The following EDA variants were observed in gnomAD, a reference collection of about 807,000 sequenced individuals.
EDA encodes the protein ectodysplasin-A.
Under a neutral mutation model 23.6 loss-of-function variants are expected in EDA, and 2 were observed. The ratio of observed to expected loss-of-function variants is 0.08; its 90% CI spans 0.03 to 0.27. EDA has a LOEUF of 0.27. EDA is among the 10% of genes least tolerant of loss of function. The pLI is 1.00. For synonymous variants in EDA, 131 were observed against 132.0 expected (o/e 0.99, Z 0.05); for missense variants, 229 against 324.2 (o/e 0.71, Z 2.26).
intron 2 of EDA, chrX:70,022,976 A>T (rs748205448): frequency 2.6e-5 from 7 of 272,722 alleles, no homozygotes; most frequent in Admixed American, 1.2e-4. Flanking sequence ...CACCCCAAAG[A>T]CTGAAGTAGA....
rs189574388 is a variant in EDA at position 69,937,614 on chromosome X, T to C, written c.397-19413T>C. The C allele has an allele frequency of 1.9e-5, 21 of 1,126,560 alleles. 1 individual carries two copies. In the East Asian group the frequency reaches 6.3e-4, roughly 34 times the overall value. 92.8% of individuals were successfully genotyped at this position (1,126,560 alleles called of 1,213,427 possible). Reference sequence around the variant, plus strand: ...TGAAGTCATAAGAAGTTCTGCAAAGTACTGGGTCTCAATTCCTTCCTCATC... The same window carrying C: ...TGAAGTCATAAGAAGTTCTGCAAAGCACTGGGTCTCAATTCCTTCCTCATC... On this transcript the variant is annotated intron_variant, in intron 1 of 7. Transcript: ENST00000374552.
chrX:69,654,021 G>A (rs1449389440), intron 1 of EDA, among the ~76,000 whole-genome samples: 1 of 111,159 alleles, frequency 9.0e-6, no homozygotes, highest in Non-Finnish European at 1.9e-5. Context: ...GCAACCTACA[G>A]AATGGGAGAA....
chrX:69,820,268 T>C (rs1289469864), intron 1 of EDA, among the ~76,000 whole-genome samples: 1 of 112,085 alleles, frequency 8.9e-6, no homozygotes, highest in African/African-American at 3.2e-5. Flanking sequence ...GACTTAAATG[T>C]GAAACCCAAA....
intron 1 of EDA, among the ~76,000 whole-genome samples, chrX:69,647,393 T>C (rs1932956362): frequency 9.0e-6 from 1 of 111,549 alleles, no homozygotes; most frequent in Non-Finnish European, 1.9e-5. Context: ...ATTCCTTTCA[T>C]TTTTTTTCTC....
At chrX:69,648,746 A>G (rs764489731) in intron 1 of EDA, among the ~76,000 whole-genome samples, 3 of 111,644 alleles carry the variant, frequency 2.7e-5, no homozygotes, top group Non-Finnish European at 1.9e-5. Context: ...CCCCCTTCCT[A>G]GGGACATGTA....
chrX:69,664,666 TTGTGTGTG>T (rs35371760), intron 1 of EDA, among the ~76,000 whole-genome samples: 1 of 104,054 alleles, frequency 9.6e-6, no homozygotes, highest in African/African-American at 3.5e-5. Context: ...TAATATTTCA[TTGTGTGTG>T]TGTGTGTGTG....
chrX:69,847,517 A>G (rs1346266786), intron 1 of EDA, among the ~76,000 whole-genome samples: 1 of 111,395 alleles, frequency 9.0e-6, no homozygotes, highest in Non-Finnish European at 1.9e-5. Context: ...TTGTCTTTTC[A>G]AGAATATTAT....
At chrX:69,956,707 G>A (rs2019013378) in intron 1 of EDA, among the ~76,000 whole-genome samples, 1 of 111,902 alleles carries the variant, frequency 8.9e-6, no homozygotes, top group Non-Finnish European at 1.9e-5. Context: ...TCCTCAGTAT[G>A]TGTGGGAAGT....
chrX:69,978,502 CAA>C (rs1223244079), intron 2 of EDA, among the ~76,000 whole-genome samples: 8 of 46,954 alleles, frequency 1.7e-4, no homozygotes, highest in Non-Finnish European at 2.7e-4. Flanking sequence ...GAATCTGTCT[CAA>C]AAAAAAAAAA....
chrX:69,630,404 G>T (rs1047579958), intron 1 of EDA, among the ~76,000 whole-genome samples: 16 of 111,363 alleles, frequency 1.4e-4, no homozygotes, highest in African/African-American at 4.2e-4. Flanking sequence ...AGAAAGTCTG[G>T]CTCCCACCTG....
intron 1 of EDA, among the ~76,000 whole-genome samples, chrX:69,910,550 C>T (rs1257863650): frequency 9.1e-6 from 1 of 109,874 alleles, no homozygotes; most frequent in Non-Finnish European, 1.9e-5. Context: ...TTTCTCTCTC[C>T]TCTCCTTCTA....
At chrX:69,777,457 G>A (rs1164180737) in intron 1 of EDA, among the ~76,000 whole-genome samples, 3 of 111,248 alleles carry the variant, frequency 2.7e-5, no homozygotes, top group Non-Finnish European at 5.7e-5. Flanking sequence ...TTACCACCGT[G>A]GATTTAGTAC....
chrX:69,945,491 G>A (rs189090090), intron 1 of EDA, among the ~76,000 whole-genome samples: 79 of 112,090 alleles, frequency 7.0e-4, no homozygotes, highest in East Asian at 2.2e-3. Flanking sequence ...CAAAGGATTC[G>A]TTAGAGTTAA....
At chrX:69,862,440 G>T (rs774657008) in intron 1 of EDA, among the ~76,000 whole-genome samples, 1 of 111,367 alleles carries the variant, frequency 9.0e-6, no homozygotes, top group Non-Finnish European at 1.9e-5. Flanking sequence ...TTTTTAAAAA[G>T]TTGTGAACAT....
At chrX:69,776,877 A>T (rs1389555909) in intron 1 of EDA, among the ~76,000 whole-genome samples, 5 of 111,295 alleles carry the variant, frequency 4.5e-5, no homozygotes, top group African/African-American at 1.6e-4. Context: ...ACAGTTTTTT[A>T]AAGTGTTTTA....
chrX:69,751,755 C>T (rs965339717), intron 1 of EDA, among the ~76,000 whole-genome samples: 45 of 111,033 alleles, frequency 4.1e-4, no homozygotes, highest in Non-Finnish European at 6.2e-4. Context: ...CCTTGTAAGT[C>T]GGATTCCTAG....
chrX:69,906,261 T>C (rs1569369655), intron 1 of EDA, among the ~76,000 whole-genome samples: 4 of 112,333 alleles, frequency 3.6e-5, no homozygotes, highest in Admixed American at 1.9e-4. Context: ...TACGATGTAC[T>C]GTACTTGCAG....
intron 6 of EDA, among the ~76,000 whole-genome samples, chrX:70,032,313 G>A (rs930804174): frequency 4.6e-5 from 5 of 109,367 alleles, no homozygotes; most frequent in Admixed American, 9.7e-5. Flanking sequence ...GTTGGAGGAC[G>A]TCATGCAGAG....
chrX:70,032,084 C>G (rs1301398406), intron 6 of EDA, among the ~76,000 whole-genome samples: 1 of 110,639 alleles, frequency 9.0e-6, no homozygotes, highest in Non-Finnish European at 1.9e-5. Context: ...CATGGTGAAA[C>G]CCCGTCTCCA....
Sources: gnomAD v4.1 joint callset for allele counts (sites outside exome capture counted in the v4.1 genomes callset) on GRCh38, gnomAD v4.1.1 for gene constraint, MANE v1.5 for transcripts, NCBI Gene and HGNC (gene_info 2026-07-23, HGNC 2026-07-21) for gene names.